DOCK2: variants seen among roughly 807,000 people sequenced by gnomAD.
DOCK2 encodes the protein dedicator of cytokinesis 2.
DOCK2 carries 87 observed loss-of-function variants against 248.9 expected under a neutral mutation model. The observed-to-expected ratio is 0.35, with a 90% CI of 0.29 to 0.42. The LOEUF is 0.42. DOCK2 is among the 10% of genes least tolerant of loss of function. The probability of loss-of-function intolerance (pLI) is 1.00; values close to 1 mark genes in which losing one functional copy is unlikely to be tolerated. For missense variants in DOCK2, 1,747 were observed against 2,300.2 expected (o/e 0.76, Z 4.92); for synonymous variants, 805 against 821.6 (o/e 0.98, Z 0.35).
intron 30 of DOCK2, among the ~76,000 whole-genome samples, chr5:170,008,075 A>G (rs2173923): frequency 0.38 from 58,032 of 151,820 alleles, 11,154 homozygotes; most frequent in Middle Eastern, 0.45. Context: ...GAGGCAGTGA[A>G]TCCCTGAACT....
At chr5:169,876,631 A>T (rs1162024013) in intron 27 of DOCK2, among the ~76,000 whole-genome samples, 1 of 152,262 alleles carries the variant, frequency 6.6e-6, no homozygotes, top group Non-Finnish European at 1.5e-5. Context: ...TGTTGAAAGT[A>T]TGTGGCATTC....
chr5:170,072,432 C>A (rs535976717), intron 46 of DOCK2, among the ~76,000 whole-genome samples: 18 of 152,174 alleles, frequency 1.2e-4, no homozygotes, highest in Non-Finnish European at 2.6e-4. Flanking sequence ...TTTATTTATC[C>A]GTTCTGTTGG....
chr5:169,910,280 C>G lies in DOCK2; in HGVS notation c.2799+69428C>G, dbSNP rs138408728. On this transcript the variant is annotated intron_variant, in intron 27 of 51. Transcript: ENST00000520908. The stretch of plus-strand genomic sequence containing the variant: ...GAGACAAACAGGACATTGTTCCAAG[C>G]CGGTTACCACCGCATGGAATATGTA... 5.4e-4 allele frequency among the ~76,000 whole-genome samples: 82 copies of G among 152,248 alleles called. No individual in the cohort carries two copies. In the East Asian group the frequency reaches 0.014, roughly 27 times the overall value.
intron 5 of DOCK2, 29 bp from the exon 6 acceptor site, chr5:169,674,268 G>T: frequency 6.2e-7 from 1 of 1,612,528 alleles, no homozygotes; most frequent in South Asian, 1.1e-5. Flanking sequence ...TTTAACACAG[G>T]TAATTATGGG....
chr5:169,765,068 G>A (rs945285105), intron 25 of DOCK2, among the ~76,000 whole-genome samples: 1 of 79,664 alleles, frequency 1.3e-5, no homozygotes, highest in African/African-American at 3.9e-5. Flanking sequence ...GGCTCTTTTA[G>A]CGCACACACA....
intron 25 of DOCK2, among the ~76,000 whole-genome samples, chr5:169,786,962 A>G (rs987734257): frequency 6.6e-6 from 1 of 152,234 alleles, no homozygotes; most frequent in Non-Finnish European, 1.5e-5. Context: ...TAAAAACTAA[A>G]TAACAGTAGC....
intron 32 of DOCK2, among the ~76,000 whole-genome samples, chr5:170,009,724 G>T (rs1444799203): frequency 2.0e-5 from 3 of 152,152 alleles, no homozygotes; most frequent in Non-Finnish European, 4.4e-5. Context: ...TTATCTGCCA[G>T]TTCCCATGGG....
intron 34 of DOCK2, chr5:170,028,603 C>T (rs1304701937): frequency 6.5e-6 from 1 of 153,974 alleles, no homozygotes; most frequent in East Asian, 1.9e-4. Context: ...ATTTACATGC[C>T]ATACAATTTA....
At chr5:170,034,868 C>T (rs1756268891) in intron 35 of DOCK2, among the ~76,000 whole-genome samples, 1 of 152,096 alleles carries the variant, frequency 6.6e-6, no homozygotes, top group Non-Finnish European at 1.5e-5. Context: ...GTCACACAGC[C>T]TCTGGGTTTC....
intron 20 of DOCK2, 72 bp downstream of exon 20, chr5:169,716,374 C>A: frequency 8.2e-7 from 1 of 1,226,326 alleles, no homozygotes; most frequent in Non-Finnish European, 1.2e-6. Context: ...ATACTGAGAA[C>A]TCATGGCCCT....
chr5:170,034,456 G>A lies in DOCK2; in HGVS notation c.3525G>A (p.Val1175=). 1 of 1,614,174 alleles carries A rather than the reference G, an allele frequency of 6.2e-7. No homozygotes were observed. The highest frequency in any genetic ancestry group is 1.1e-5 in the South Asian group (1 of 91,078). The change falls in exon 35 of 52, where the codon GTG becomes GTA. Residue 1175 remains valine (V), a synonymous_variant. Coordinates refer to ENST00000520908, the MANE Select transcript of DOCK2 (RefSeq NM_004946.3). The part of the protein sequence containing the change: ...PTIAKSVENF[V]NLVKGLLEKL... ...TTGCCAAGTCGGTGGAGAACTTCGT[G>A]AACCTGGTCAAAGGCCTCCTGGAGA...
intron 27 of DOCK2, among the ~76,000 whole-genome samples, chr5:169,855,173 T>C (rs1276485729): frequency 6.6e-6 from 1 of 152,236 alleles, no homozygotes; most frequent in Non-Finnish European, 1.5e-5. Flanking sequence ...GGTAATTTTT[T>C]TGAAGAATAA....
At chr5:169,719,999 A>G (rs1175474970) in intron 22 of DOCK2, among the ~76,000 whole-genome samples, 4 of 152,154 alleles carry the variant, frequency 2.6e-5, no homozygotes, top group Non-Finnish European at 5.9e-5. Context: ...TTGACAGTGC[A>G]TCTGAAACAG....
intron 27 of DOCK2, among the ~76,000 whole-genome samples, chr5:169,933,037 G>A (rs1775828773): frequency 1.3e-5 from 2 of 152,172 alleles, no homozygotes; most frequent in Non-Finnish European, 2.9e-5. Context: ...GGCAGGTATT[G>A]GCAGGCAAAA....
intron 27 of DOCK2, 128 bp from the exon 28 acceptor site, chr5:169,982,940 C>A (rs1196362817): frequency 3.5e-6 from 3 of 855,522 alleles, no homozygotes; most frequent in Non-Finnish European, 3.7e-6. Flanking sequence ...CTATTACAGT[C>A]CCAGGCACAT....
intron 32 of DOCK2, among the ~76,000 whole-genome samples, chr5:170,010,474 G>A (rs1249985387): frequency 6.6e-6 from 1 of 152,194 alleles, no homozygotes; most frequent in Non-Finnish European, 1.5e-5. Flanking sequence ...ATGAGAAGGA[G>A]TAAGGGCCTG....
intron 27 of DOCK2, among the ~76,000 whole-genome samples, chr5:169,969,199 C>T (rs1777409682): frequency 6.6e-6 from 1 of 151,938 alleles, no homozygotes; most frequent in African/African-American, 2.4e-5. Flanking sequence ...AATCCCAGCA[C>T]TTTGGGAGGC....
chr5:169,704,757 ATATGTGTGTGTG>A (rs1185829042), intron 14 of DOCK2, among the ~76,000 whole-genome samples: 6 of 118,378 alleles, frequency 5.1e-5, no homozygotes, highest in East Asian at 2.7e-4. Flanking sequence ...TACTCCATAT[ATATGTGTGTGTG>A]TGTGTGTGTG....
chr5:169,904,173 G>C (rs1774139425), intron 27 of DOCK2, among the ~76,000 whole-genome samples: 8 of 151,482 alleles, frequency 5.3e-5, no homozygotes, highest in Admixed American at 4.6e-4. Context: ...GTACTTTCTT[G>C]GGTAAAAGCA....
Sources: gnomAD v4.1 joint callset for allele counts (sites outside exome capture counted in the v4.1 genomes callset) on GRCh38, gnomAD v4.1.1 for gene constraint, MANE v1.5 for transcripts, NCBI Gene and HGNC (gene_info 2026-07-23, HGNC 2026-07-21) for gene names.